Variants in WDPCP observed in about 807,000 individuals in gnomAD.
WDPCP encodes WD repeat-containing and planar cell polarity effector protein fritz homolog.
WDPCP carries 71 observed loss-of-function variants against 93.1 expected under a neutral mutation model. The observed-to-expected ratio is 0.76, with a 90% confidence interval of 0.63 to 0.93. WDPCP has a LOEUF of 0.93. Ranked by LOEUF, WDPCP falls within the 40% of genes least tolerant of loss-of-function variation. The pLI, the probability that WDPCP is intolerant of heterozygous loss-of-function variation, is 0.00. For missense variants in WDPCP, 844 were observed against 887.4 expected (o/e 0.95, Z 0.62); for synonymous variants, 315 against 315.0 (o/e 1.00, Z 0.00).
intron 1 of WDPCP, among the ~76,000 whole-genome samples, chr2:63,516,759 A>G (rs559672654): frequency 3.9e-5 from 6 of 152,092 alleles, no homozygotes; most frequent in South Asian, 2.1e-4. Flanking sequence ...AGAAACTGTG[A>G]GGATAATGGG....
At chr2:63,682,166 A>G (rs1023158403) in intron 2 of WDPCP, among the ~76,000 whole-genome samples, 2 of 152,244 alleles carry the variant, frequency 1.3e-5, no homozygotes, top group Non-Finnish European at 2.9e-5. Context: ...CCAGGAAAAC[A>G]TGACCTCACC....
intron 1 of WDPCP, among the ~76,000 whole-genome samples, chr2:63,824,731 T>C (rs1671087050): frequency 6.6e-6 from 1 of 151,902 alleles, no homozygotes; most frequent in African/African-American, 2.4e-5. Flanking sequence ...GTTTGGTCAT[T>C]TGTGTATCTC....
intron 1 of WDPCP, among the ~76,000 whole-genome samples, chr2:63,551,472 T>C (rs1705640698): frequency 6.6e-6 from 1 of 152,132 alleles, no homozygotes; most frequent in Non-Finnish European, 1.5e-5. Flanking sequence ...TCTTGCCATG[T>C]GATACAATGA....
chr2:63,724,733 C>G (rs988095136), intron 2 of WDPCP, among the ~76,000 whole-genome samples: 1 of 152,158 alleles, frequency 6.6e-6, no homozygotes, highest in Non-Finnish European at 1.5e-5. Context: ...TACTAGCAAG[C>G]AATTTAGAAA....
At chr2:63,750,717 T>C (rs778882786) in intron 2 of WDPCP, among the ~76,000 whole-genome samples, 39 of 152,232 alleles carry the variant, frequency 2.6e-4, no homozygotes, top group Non-Finnish European at 4.4e-4. Flanking sequence ...AAAATGTTAT[T>C]TCTGCATCTA....
At chr2:63,523,562 C>A (rs931475656) in intron 1 of WDPCP, among the ~76,000 whole-genome samples, 1 of 152,156 alleles carries the variant, frequency 6.6e-6, no homozygotes, top group African/African-American at 2.4e-5. Context: ...ACTCCATGGT[C>A]CCTGCCCAAA....
intron 12 of WDPCP, among the ~76,000 whole-genome samples, chr2:63,329,480 T>C (rs1355348238): frequency 1.3e-5 from 2 of 152,236 alleles, no homozygotes; most frequent in Admixed American, 1.3e-4. Flanking sequence ...AATAGAACTT[T>C]GTAAGTATTT....
At chr2:63,201,948 G>C (rs1277957297) in intron 14 of WDPCP, among the ~76,000 whole-genome samples, 3 of 151,724 alleles carry the variant, frequency 2.0e-5, no homozygotes, top group Non-Finnish European at 2.9e-5. Context: ...GGCTAAATTT[G>C]GGATTTGTTA....
chr2:63,448,738 T>C (rs1185523960), intron 6 of WDPCP, among the ~76,000 whole-genome samples: 5 of 152,180 alleles, frequency 3.3e-5, no homozygotes, highest in African/African-American at 7.2e-5. Context: ...TGGGACATTA[T>C]GCTAAGGGAA....
chr2:63,164,439 A>G (rs1179873031), intron 15 of WDPCP, among the ~76,000 whole-genome samples: 1 of 152,128 alleles, frequency 6.6e-6, no homozygotes, highest in Admixed American at 6.5e-5. Context: ...GTAAGTTCTC[A>G]TGAGATCTGG....
At chr2:63,373,184 A>G (rs1435298678) in intron 12 of WDPCP, among the ~76,000 whole-genome samples, 1 of 151,946 alleles carries the variant, frequency 6.6e-6, no homozygotes, top group African/African-American at 2.4e-5. Context: ...CCCTCTTTGG[A>G]GTATTTATCT....
At chr2:63,517,271 A>G (rs1702617359) in intron 1 of WDPCP, among the ~76,000 whole-genome samples, 1 of 151,936 alleles carries the variant, frequency 6.6e-6, no homozygotes, top group Non-Finnish European at 1.5e-5. Context: ...AATAAAAAGT[A>G]TATTTTAAAT....
At chr2:63,738,393 T>TTTTTTTTTTTTTTTTTTTTTTTTTTTTTG in intron 2 of WDPCP, among the ~76,000 whole-genome samples, 1 of 151,250 alleles carries the variant, frequency 6.6e-6, no homozygotes, top group African/African-American at 2.4e-5. Flanking sequence ...GGGCTACTAT[T>TTTTTTTTTTTTTTTTTTTTTTTTTTTTTG]GACATTTGCT....
chr2:63,803,802 G>A (rs1670726787), intron 2 of WDPCP, among the ~76,000 whole-genome samples: 1 of 152,106 alleles, frequency 6.6e-6, no homozygotes, highest in South Asian at 2.1e-4. Context: ...CTACATGTAA[G>A]GCATTTTCAG....
intron 1 of WDPCP, among the ~76,000 whole-genome samples, chr2:63,513,724 T>C (rs898770916): frequency 1.3e-5 from 2 of 152,188 alleles, no homozygotes; most frequent in Non-Finnish European, 2.9e-5. Context: ...CCAAGATAAA[T>C]CTGAACAGAC....
intron 17 of WDPCP, among the ~76,000 whole-genome samples, chr2:63,140,554 A>ATTTTT: frequency 6.8e-6 from 1 of 146,022 alleles, no homozygotes; most frequent in Admixed American, 6.8e-5. Flanking sequence ...ATTCCTAAGT[A>ATTTTT]TTTTTTTTTT....
intron 12 of WDPCP, among the ~76,000 whole-genome samples, chr2:63,339,709 C>A (rs183588988): frequency 5.3e-5 from 8 of 152,102 alleles, no homozygotes; most frequent in African/African-American, 1.9e-4. Context: ...ATTGCTCTCA[C>A]CAGGAGTTTC....
intron 9 of WDPCP, among the ~76,000 whole-genome samples, chr2:63,417,118 G>A (rs902136182): frequency 1.3e-5 from 2 of 152,122 alleles, no homozygotes; most frequent in Admixed American, 6.5e-5. Flanking sequence ...AGTAAATAGC[G>A]GCTATTATTG....
At chr2:63,692,252 G>A (rs980606061) in intron 2 of WDPCP, among the ~76,000 whole-genome samples, 2 of 151,866 alleles carry the variant, frequency 1.3e-5, no homozygotes, top group Non-Finnish European at 2.9e-5. Context: ...ATTTAAAACT[G>A]ATGTATGTGT....
Sources: gnomAD v4.1 joint callset for allele counts (sites outside exome capture counted in the v4.1 genomes callset) on GRCh38, gnomAD v4.1.1 for gene constraint, MANE v1.5 for transcripts, NCBI Gene and HGNC (gene_info 2026-07-23, HGNC 2026-07-21) for gene names.